PARP8: variants seen among roughly 807,000 people sequenced by gnomAD.
The protein encoded by PARP8 is protein mono-ADP-ribosyltransferase PARP8.
Under a neutral mutation model 124.1 loss-of-function variants are expected in PARP8, and 51 were observed. That is an observed-to-expected ratio of 0.41 (90% CI 0.33 to 0.52). PARP8 has a LOEUF of 0.52. PARP8 is among the 20% of genes least tolerant of loss of function. The pLI, the probability that PARP8 is intolerant of heterozygous loss-of-function variation, is 0.21. For synonymous variants in PARP8, 391 were observed against 361.5 expected (o/e 1.08, Z -0.93); for missense variants, 860 against 1,018.9 (o/e 0.84, Z 2.12).
chr5:50,831,022 C>A (rs544059433), intron 22 of PARP8, among the ~76,000 whole-genome samples: 1 of 152,158 alleles, frequency 6.6e-6, no homozygotes, highest in East Asian at 1.9e-4. Flanking sequence ...CCAACCATAA[C>A]AAGTTGTTTC....
At chr5:50,821,895 T>C (rs1745801774) in intron 16 of PARP8, among the ~76,000 whole-genome samples, 1 of 152,260 alleles carries the variant, frequency 6.6e-6, no homozygotes, top group East Asian at 1.9e-4. Flanking sequence ...GTCAGCTATG[T>C]GACTGTATGC....
intron 9 of PARP8, among the ~76,000 whole-genome samples, chr5:50,780,880 G>T (rs1740591123): frequency 6.6e-6 from 1 of 151,810 alleles, no homozygotes; most frequent in Non-Finnish European, 1.5e-5. Context: ...TTTTTTATTT[G>T]CAAGGAATCT....
intron 7 of PARP8, among the ~76,000 whole-genome samples, chr5:50,764,603 A>G (rs1760873454): frequency 6.6e-6 from 1 of 152,182 alleles, no homozygotes; most frequent in African/African-American, 2.4e-5. Context: ...GCTACAATTG[A>G]GTGAAAGTGT....
At chr5:50,839,027 AT>A (rs1227669257) in intron 25 of PARP8, among the ~76,000 whole-genome samples, 1 of 151,896 alleles carries the variant, frequency 6.6e-6, no homozygotes, top group African/African-American at 2.4e-5. Context: ...GGTCTTAGCT[AT>A]GTTACTCAGG....
At chr5:50,809,312 C>A (rs1744187676) in intron 14 of PARP8, among the ~76,000 whole-genome samples, 1 of 152,016 alleles carries the variant, frequency 6.6e-6, no homozygotes, top group South Asian at 2.1e-4. Context: ...AGAAGATATT[C>A]ATATAATTAT....
chr5:50,824,878 A>G, intron 17 of PARP8, 30 bp from the exon 18 acceptor site: 2 of 1,580,646 alleles, frequency 1.3e-6, no homozygotes, highest in East Asian at 4.5e-5. Flanking sequence ...TTTTTATGAA[A>G]AATCAAGAAG....
At chr5:50,815,390 G>T (rs777872169) in intron 14 of PARP8, 42 bp from the exon 15 acceptor site, 2 of 1,419,410 alleles carry the variant, frequency 1.4e-6, no homozygotes, top group Admixed American at 4.5e-5. Context: ...GATATTGAGA[G>T]TTGGAAAAAA....
chr5:50,705,797 G>A (rs1382500512), intron 2 of PARP8, among the ~76,000 whole-genome samples: 4 of 151,990 alleles, frequency 2.6e-5, no homozygotes, highest in Non-Finnish European at 4.4e-5. Flanking sequence ...AAAAAGGGGG[G>A]TTGATGGGTC....
chr5:50,753,569 G>A (rs1431742855), intron 3 of PARP8, among the ~76,000 whole-genome samples: 4 of 151,922 alleles, frequency 2.6e-5, no homozygotes, highest in East Asian at 3.9e-4. Flanking sequence ...TTTGGATTCA[G>A]GCAGATTCAA....
chr5:50,801,224 C>G lies in PARP8; in HGVS notation c.1575+3991C>G, dbSNP rs184427533. Reference sequence around the variant, plus strand: ...CAAGTGATTCTCCTGCCTCAGCCTCCGAGTAGCTGGGATTACAGGCATGCA... The same window carrying G: ...CAAGTGATTCTCCTGCCTCAGCCTCGGAGTAGCTGGGATTACAGGCATGCA... On this transcript the variant is annotated intron_variant, in intron 14 of 25. Coordinates refer to ENST00000281631, the MANE Select transcript of PARP8 (RefSeq NM_024615.4). Among the ~76,000 whole-genome samples the G allele has an allele frequency of 5.5e-3, 840 of 151,982 alleles. 7 individuals carry two copies. The highest frequency in any genetic ancestry group is 0.019 in the African/African-American group (786 of 41,438).
At chr5:50,828,513 G>A in intron 21 of PARP8, 129 bp downstream of exon 21, 2 of 764,342 alleles carry the variant, frequency 2.6e-6, no homozygotes, top group Middle Eastern at 2.4e-4. Context: ...GGAATTTCTA[G>A]TAGGCATACT....
At chr5:50,754,150 T>TATATATATATAC (rs1312947286) in intron 3 of PARP8, among the ~76,000 whole-genome samples, 1 of 37,194 alleles carries the variant, frequency 2.7e-5, no homozygotes, top group Non-Finnish European at 5.0e-5. Context: ...TATATATATA[T>TATATATATATAC]ACACACACAC....
At chr5:50,697,331 T>G (rs889753651) in intron 2 of PARP8, among the ~76,000 whole-genome samples, 2 of 152,196 alleles carry the variant, frequency 1.3e-5, no homozygotes, top group Non-Finnish European at 2.9e-5. Context: ...CTCAGGTGTT[T>G]GGAAAGTTAT....
intron 2 of PARP8, among the ~76,000 whole-genome samples, chr5:50,673,416 ATATT>A: frequency 6.6e-6 from 1 of 152,254 alleles, no homozygotes; most frequent in Non-Finnish European, 1.5e-5. Context: ...TCCTATAGTG[ATATT>A]TATTAAGCAT....
intron 10 of PARP8, among the ~76,000 whole-genome samples, chr5:50,791,632 G>T (rs12654399): frequency 0.2 from 31,127 of 152,036 alleles, 3,369 homozygotes; most frequent in South Asian, 0.34. Flanking sequence ...GTCTTGTATA[G>T]GGTATCCTAT....
At chr5:50,824,811 A>G (rs908820170) in intron 17 of PARP8, 97 bp from the exon 18 acceptor site, 2 of 887,350 alleles carry the variant, frequency 2.3e-6, no homozygotes, top group Non-Finnish European at 3.7e-6. Context: ...TTTAAGTCTT[A>G]CTAGATTAGG....
In PARP8 at chr5:50,835,035, T is replaced by G. The variant is rs775430440; in HGVS notation, c.2462+20T>G. On this transcript the variant is annotated intron_variant, in intron 25 of 25. Coordinates refer to ENST00000281631, the MANE Select transcript of PARP8 (RefSeq NM_024615.4). ...TTTCGTGTAAGTGGAAATGCTCAAA[T>G]TTGTATATTACTGTCTTTGCCACAA... 1.2e-6 allele frequency: 2 copies of G among 1,601,304 alleles called. No individual in the cohort carries two copies. Among genetic ancestry groups the G allele is most frequent in the Admixed American group, 1.7e-5 (1 of 59,684 alleles).
rs1760364057 is a variant in PARP8, at chr5:50,759,814, G to A, written c.274+82G>A. ...TTTGTTTGTTTGTTTGTTTCATTTA[G>A]CCAGTAACAGATATTTATCTTCTGT... On this transcript the variant is annotated intron_variant, in intron 4 of 25. Transcript: ENST00000281631. 5.8e-6 allele frequency: 8 copies of A among 1,376,142 alleles called. No homozygotes were observed. In the Admixed American group the frequency reaches 2.4e-4, roughly 41 times the overall value. 85.2% of individuals were successfully genotyped at this position (1,376,142 alleles called of 1,614,324 possible). A position where few individuals can be genotyped will look rare whatever the true frequency, so the allele number is the denominator to read the frequency against.
rs1477753104 is a variant in PARP8, at chr5:50,778,107, A to G, written c.557A>G (p.His186Arg). ...ATTGATGATGTAGATATTGATCTGC[A>G]TATCGATGTTAGCTTTCTTGATGTA... is the stretch of plus-strand genomic sequence containing the variant. Reference protein sequence around the residue: ...GAIDDVDIDLHIDVSFLDEEI... With the variant: ...GAIDDVDIDLRIDVSFLDEEI... The change falls in exon 8 of 26, where the codon CAT becomes CGT. Residue 186 changes from histidine to arginine, a missense_variant. By Grantham distance (29) the His-to-Arg change is conservative (BLOSUM62 0). This residue lies in a region of PARP8 where 517 missense variants were observed against 544.2 expected (regional missense o/e 0.95). Transcript: ENST00000281631. 6.2e-7 allele frequency: 1 copy of G among 1,608,558 alleles called. No homozygotes were observed. The highest frequency in any genetic ancestry group is 1.1e-5 in the South Asian group (1 of 89,464).
Sources: allele counts gnomAD v4.1 joint callset (sites outside exome capture counted in the v4.1 genomes callset), GRCh38; gene constraint gnomAD v4.1.1; regional missense constraint gnomAD v4.1.1; transcripts MANE v1.5; gene names NCBI Gene and HGNC (gene_info 2026-07-23, HGNC 2026-07-21).